Variants in NFIB observed in about 807,000 individuals in gnomAD.
NFIB encodes nuclear factor 1 B-type.
A neutral mutation model predicts 61.5 loss-of-function variants in NFIB; 11 were observed. The observed-to-expected ratio is 0.18, with a 90% CI of 0.11 to 0.30. The LOEUF is 0.30. Among genes scored for constraint, NFIB ranks in the 10% least tolerant of loss-of-function variants. The pLI is 1.00. For synonymous variants in NFIB, 260 were observed against 216.5 expected, an observed-to-expected ratio of 1.20 and a Z score of -1.76; for missense variants, 471 against 608.9, an observed-to-expected ratio of 0.77 and a Z score of 2.38.
At chr9:14,263,382 T>C (rs2056950274) in intron 2 of NFIB, among the ~76,000 whole-genome samples, 1 of 152,176 alleles carries the variant, frequency 6.6e-6, no homozygotes, top group Non-Finnish European at 1.5e-5. Flanking sequence ...AAGTTCCACT[T>C]TCAACATTCC....
chr9:14,411,551 G>T, the NFIB span, among the ~76,000 whole-genome samples: 1 of 152,188 alleles, frequency 6.6e-6, no homozygotes, highest in Non-Finnish European at 1.5e-5. Context: ...AAGAGATCGT[G>T]TCAGGAGAGA....
chr9:14,138,989 C>A (rs967033517), intron 6 of NFIB, among the ~76,000 whole-genome samples: 4 of 151,948 alleles, frequency 2.6e-5, no homozygotes, highest in Admixed American at 2.0e-4. Flanking sequence ...ACAAATACAC[C>A]TCTATTTTCT....
At chr9:14,199,215 A>AT (rs1180275590) in intron 2 of NFIB, among the ~76,000 whole-genome samples, 1 of 152,202 alleles carries the variant, frequency 6.6e-6, no homozygotes, top group African/African-American at 2.4e-5. Context: ...CTGAAGGAAG[A>AT]TTTTTTGGCA....
At position 14,175,163 on chromosome 9, in the gene NFIB, A is replaced by ATTTTTTTTTT. The variant is rs375736787; in HGVS notation, c.616+4563_616+4564insAAAAAAAAAA. ...TCTCAAAATTTTTATGACTTAAAGA[A>ATTTTTTTTTT]TTTCTTTTTTTTTTTTTTTTTTTTG... On this transcript the variant is annotated intron_variant, in intron 3 of 10. Coordinates refer to ENST00000380953, the MANE Select transcript of NFIB (RefSeq NM_001190737.2). Among the ~76,000 whole-genome samples the ATTTTTTTTTT allele has an allele frequency of 9.8e-4, 100 of 102,108 alleles. 4 individuals are homozygous for ATTTTTTTTTT. Among genetic ancestry groups the ATTTTTTTTTT allele is most frequent in the Admixed American group, 1.4e-3 (11 of 7,996 alleles). 67.0% of individuals were successfully genotyped at this position (102,108 alleles called of 152,430 possible).
At chr9:14,420,044 C>G in the NFIB span, among the ~76,000 whole-genome samples, 2 of 152,172 alleles carry the variant, frequency 1.3e-5, no homozygotes, top group African/African-American at 4.8e-5. Context: ...CTAGCTCACT[C>G]TGCAGGCTCT....
At chr9:14,396,573 A>G (rs1406729292) in intron 1 of NFIB, among the ~76,000 whole-genome samples, 1 of 152,170 alleles carries the variant, frequency 6.6e-6, no homozygotes, top group Non-Finnish European at 1.5e-5. Flanking sequence ...CAAAACCCTT[A>G]TATTACATTT....
the NFIB span, among the ~76,000 whole-genome samples, chr9:14,497,828 T>C: frequency 6.6e-6 from 1 of 152,186 alleles, no homozygotes; most frequent in Non-Finnish European, 1.5e-5. Context: ...TCTTTTTCTT[T>C]TGATTGGCTG....
chr9:14,393,019 C>A (rs1235132620), intron 1 of NFIB, among the ~76,000 whole-genome samples: 2 of 152,150 alleles, frequency 1.3e-5, no homozygotes, highest in Non-Finnish European at 2.9e-5. Flanking sequence ...GTTATCTTTG[C>A]TGGGCAAGTC....
Position 14,120,683 on chromosome 9 carries a change from C to G in NFIB, c.1061-59G>C. The G allele has an allele frequency of 6.7e-7, 1 of 1,487,032 alleles. No homozygotes were observed. The highest frequency in any genetic ancestry group is 1.4e-5 in the South Asian group (1 of 72,910). The allele number at this position is 1,487,032 out of a possible 1,614,324, so 92.1% of individuals were successfully genotyped here. The stretch of plus-strand genomic sequence containing the variant: ...CAGCTGGTTACCTTATTGCTCCATT[C>G]TGATCCTGAAGAATGCTGTGAAACT... On this transcript the variant is annotated intron_variant, in intron 7 of 10. Transcript: ENST00000380953. This position sits in a 1 kb window ranked among gnomAD's most constrained non-coding sequence, Gnocchi z 4.4.
chr9:14,248,338 C>A (rs1242713503), intron 2 of NFIB, among the ~76,000 whole-genome samples: 2 of 150,702 alleles, frequency 1.3e-5, no homozygotes, highest in African/African-American at 2.4e-5. Context: ...TTCTTCCTTC[C>A]TTCCTTCCTG....
chr9:14,526,234 A>G, the NFIB span, among the ~76,000 whole-genome samples: 1 of 152,146 alleles, frequency 6.6e-6, no homozygotes, highest in Non-Finnish European at 1.5e-5. Context: ...ATTTTTAGGG[A>G]GGTGCTGGGG....
intron 2 of NFIB, among the ~76,000 whole-genome samples, chr9:14,218,139 A>G (rs2051172562): frequency 6.6e-6 from 1 of 152,226 alleles, no homozygotes; most frequent in Admixed American, 6.5e-5. Flanking sequence ...TGAGAGCTCC[A>G]AGGTGGTATT....
At chr9:14,507,680 T>C in the NFIB span, among the ~76,000 whole-genome samples, 9 of 152,194 alleles carry the variant, frequency 5.9e-5, no homozygotes, top group African/African-American at 1.7e-4. Flanking sequence ...CATGCCTAAA[T>C]AGCAGCGCAA....
At chr9:14,186,696 T>C (rs1413255109) in intron 2 of NFIB, among the ~76,000 whole-genome samples, 1 of 152,050 alleles carries the variant, frequency 6.6e-6, no homozygotes, top group African/African-American at 2.4e-5. Context: ...CTGTCTCCCA[T>C]GACTGATTCC....
At position 14,313,917 on chromosome 9, in the gene NFIB, T is replaced by G; in HGVS notation, c.-406A>C. ...GTGTGGGTTGGATTGGGGTGGTGGT[T>G]GGTGGTAAAATGCTTTTTCAAAAAA... On this transcript the variant is annotated 5_prime_UTR_variant, in exon 1 of 11. Transcript: ENST00000380953. This position sits in a 1 kb window ranked among gnomAD's most constrained non-coding sequence, Gnocchi z 4.5. 5 of 981,104 alleles carry G rather than the reference T, an allele frequency of 5.1e-6. No individual in the cohort carries two copies. Among genetic ancestry groups the G allele is most frequent in the Non-Finnish European group, 5.9e-6 (5 of 840,448 alleles). The allele number at this position is 981,104 out of a possible 1,614,324, so 60.8% of individuals were successfully genotyped here. A position where few individuals can be genotyped will look rare whatever the true frequency, so the allele number is the denominator to read the frequency against.
chr9:14,220,400 C>T (rs532533501), intron 2 of NFIB, among the ~76,000 whole-genome samples: 3 of 152,292 alleles, frequency 2.0e-5, no homozygotes, highest in African/African-American at 7.2e-5. Context: ...AATTCTGCTT[C>T]CATGTATTGT....
upstream of NFIB, chr9:14,399,056 T>A (rs553676579): frequency 4.9e-6 from 1 of 206,144 alleles, no homozygotes; most frequent in African/African-American, 2.3e-5. Flanking sequence ...GTGCTATAAA[T>A]GCAAACTATA....
chr9:14,301,131 G>C (rs578157715), intron 2 of NFIB, among the ~76,000 whole-genome samples: 7 of 152,238 alleles, frequency 4.6e-5, no homozygotes, highest in African/African-American at 7.2e-5. Context: ...AAGAACTAAA[G>C]CTGTAGCAAT....
chr9:14,113,104 A>G, intron 9 of NFIB, 23 bp from the exon 10 acceptor site: 1 of 1,545,876 alleles, frequency 6.5e-7, no homozygotes, highest in Non-Finnish European at 8.7e-7. Flanking sequence ...GAACAAAAAC[A>G]AAGATAAAAA....
Sources: allele counts gnomAD v4.1 joint callset (sites outside exome capture counted in the v4.1 genomes callset), GRCh38; gene constraint gnomAD v4.1.1; non-coding constraint Gnocchi (gnomAD v3.1); transcripts MANE v1.5; gene names NCBI Gene and HGNC (gene_info 2026-07-23, HGNC 2026-07-21).